Variants in ACKR2 observed in about 807,000 individuals in gnomAD.
ACKR2 encodes the protein atypical chemokine receptor 2.
For missense variants in ACKR2, 457 were observed against 477.3 expected (o/e 0.96, Z 0.40); for synonymous variants, 207 against 192.2 (o/e 1.08, Z -0.64).
chr3:42,865,375 C>A lies in ACKR2; in HGVS notation c.873C>A (p.Asp291Glu). ...ACTGTGAGGTCAGCCAGCATCTAGA[C>A]TACGCACTCCAGGTAACAGAGAGCA... The part of the protein sequence containing the change: ...FGNCEVSQHL[D>E]YALQVTESIA... Residue 291 changes from aspartate to glutamate, a missense_variant, in exon 3 of 3, where the codon GAC becomes GAA. Physicochemically the swap from Asp to Glu is conservative, Grantham distance 45 (BLOSUM62 2). Transcript: ENST00000422265. The A allele has an allele frequency of 1.9e-6, 3 of 1,614,210 alleles. No individual in the cohort carries two copies. Among genetic ancestry groups the A allele is most frequent in the South Asian group, 2.2e-5 (2 of 91,084 alleles).
chr3:42,835,885 T>C (rs1472915633), intron 2 of ACKR2: 1 of 152,270 alleles, frequency 6.6e-6, no homozygotes. Context: ...GGTCCCTCCT[T>C]CCTCCTTCTG....
intron 2 of ACKR2, among the ~76,000 whole-genome samples, chr3:42,858,683 T>C (rs988877434): frequency 2.0e-5 from 3 of 151,902 alleles, no homozygotes; most frequent in Non-Finnish European, 4.4e-5. Flanking sequence ...GTTTGATGAA[T>C]TGACAGAACT....
intron 2 of ACKR2, among the ~76,000 whole-genome samples, chr3:42,830,293 A>T (rs769049254): frequency 9.2e-5 from 14 of 152,092 alleles, no homozygotes; most frequent in East Asian, 1.9e-4. Flanking sequence ...ATTTTTTTTT[A>T]AAATAGAGAT....
At chr3:42,863,651 A>G (rs2088405087) in intron 2 of ACKR2, among the ~76,000 whole-genome samples, 1 of 152,250 alleles carries the variant, frequency 6.6e-6, no homozygotes, top group South Asian at 2.1e-4. Flanking sequence ...AAAATGTAGC[A>G]CATACACAGC....
chr3:42,866,988 C>T lies in ACKR2; in HGVS notation c.*1331C>T, dbSNP rs1254576510. 2 of 162,342 alleles carry T rather than the reference C, an allele frequency of 1.2e-5. No homozygotes were observed. The highest frequency in any genetic ancestry group is 4.8e-5 in the African/African-American group (2 of 41,376). The allele number at this position is 162,342 out of a possible 1,614,324, so 10.1% of individuals were successfully genotyped here. A position where few individuals can be genotyped will look rare whatever the true frequency, so the allele number is the denominator to read the frequency against. On this transcript the variant is annotated 3_prime_UTR_variant, in exon 3 of 3. Transcript: ENST00000422265. ...TCCTGAGCTCAAGTGATCCTCCCAT[C>T]TAAGCCCCCAAGTAGCTAGGACTAC...
chr3:42,834,221 G>A (rs1448452692), intron 2 of ACKR2, among the ~76,000 whole-genome samples: 1 of 152,140 alleles, frequency 6.6e-6, no homozygotes, highest in African/African-American at 2.4e-5. Context: ...GCCTCCCAAA[G>A]TACCGGGATT....
chr3:42,820,607 A>G (rs979092405), intron 2 of ACKR2, among the ~76,000 whole-genome samples: 8 of 151,486 alleles, frequency 5.3e-5, no homozygotes, highest in Non-Finnish European at 7.4e-5. Context: ...AAAAAAAAAA[A>G]AAAGAAATAT....
chr3:42,837,599 C>T (rs545107962), intron 2 of ACKR2, among the ~76,000 whole-genome samples: 1 of 152,270 alleles, frequency 6.6e-6, no homozygotes, highest in Admixed American at 6.5e-5. Flanking sequence ...CACCTTTTCT[C>T]TGTTTTTGTT....
chr3:42,815,837 A>G (rs967527087), intron 1 of ACKR2, among the ~76,000 whole-genome samples: 5 of 152,190 alleles, frequency 3.3e-5, no homozygotes, highest in Non-Finnish European at 7.3e-5. Context: ...TCTACCCTTT[A>G]GGAAGAACAG....
At chr3:42,854,132 A>G (rs1701193485) in intron 2 of ACKR2, among the ~76,000 whole-genome samples, 1 of 152,160 alleles carries the variant, frequency 6.6e-6, no homozygotes, top group Non-Finnish European at 1.5e-5. Flanking sequence ...CGCTGAGTCA[A>G]GCAGGGTTTG....
In ACKR2 at chr3:42,850,503, T is replaced by A. The variant is rs139481697; in HGVS notation, c.-37-13963T>A. Among the ~76,000 whole-genome samples the A allele has an allele frequency of 1.9e-3, 284 of 152,204 alleles. 2 individuals are homozygous for A. Among genetic ancestry groups the A allele is most frequent in the African/African-American group, 6.5e-3 (270 of 41,514 alleles). Reference sequence around the variant, plus strand: ...CTTTAACCACCTGACATTACTACTCTATTATTGCTCAGTCCAGGTGGAGAC... The same window carrying A: ...CTTTAACCACCTGACATTACTACTCAATTATTGCTCAGTCCAGGTGGAGAC... On this transcript the variant is annotated intron_variant, in intron 2 of 2. Transcript: ENST00000422265.
Position 42,865,402 on chromosome 3 carries a change from C to T in ACKR2, c.900C>T (p.Ile300=), listed in dbSNP as rs200987829. 2.2e-5 allele frequency: 36 copies of T among 1,614,194 alleles called. No individual in the cohort carries two copies. Among genetic ancestry groups the T allele is most frequent in the African/African-American group, 2.1e-4 (16 of 75,044 alleles). Residue 300 remains isoleucine, a synonymous_variant, in exon 3 of 3, where the codon ATC becomes ATT. Coordinates refer to ENST00000422265, the MANE Select transcript of ACKR2 (RefSeq NM_001296.5). ...ACGCACTCCAGGTAACAGAGAGCAT[C>T]GCCTTCCTTCACTGCTGCTTTTCCC... is the stretch of plus-strand genomic sequence containing the variant. ...LDYALQVTES[I]AFLHCCFSPI... is the part of the protein sequence containing the mutation.
At chr3:42,834,203 C>T (rs1418618061) in intron 2 of ACKR2, among the ~76,000 whole-genome samples, 1 of 152,188 alleles carries the variant, frequency 6.6e-6, no homozygotes, top group Non-Finnish European at 1.5e-5. Context: ...GGTGATCCAC[C>T]TGCCTCGGCC....
intron 2 of ACKR2, among the ~76,000 whole-genome samples, chr3:42,829,143 A>T (rs1700903301): frequency 6.6e-6 from 1 of 152,176 alleles, no homozygotes; most frequent in Admixed American, 6.5e-5. Flanking sequence ...AATGAGGGTG[A>T]GTAAAAGGCC....
chr3:42,812,680 C>CTTTTT (rs71616070), intron 1 of ACKR2, among the ~76,000 whole-genome samples: 28,676 of 72,728 alleles, frequency 0.39, 7,859 homozygotes, highest in East Asian at 0.63. Context: ...AATTTTCAGC[C>CTTTTT]TTTTTTTTTT....
At chr3:42,817,475 A>C (rs1289424470) in intron 1 of ACKR2, among the ~76,000 whole-genome samples, 1 of 151,902 alleles carries the variant, frequency 6.6e-6, no homozygotes, top group African/African-American at 2.4e-5. Context: ...CCCTCCTCCC[A>C]CTGAACACCC....
At chr3:42,820,883 G>GTTTT (rs34265324) in intron 2 of ACKR2, among the ~76,000 whole-genome samples, 1 of 143,754 alleles carries the variant, frequency 7.0e-6, no homozygotes, top group Non-Finnish European at 1.5e-5. Flanking sequence ...TTCATCAATA[G>GTTTT]TTTTTTTTTT....
At chr3:42,825,073 G>A (rs992669603) in intron 2 of ACKR2, among the ~76,000 whole-genome samples, 1 of 152,102 alleles carries the variant, frequency 6.6e-6, no homozygotes, top group African/African-American at 2.4e-5. Context: ...TGATCTATAT[G>A]ACTATTCTGA....
intron 2 of ACKR2, among the ~76,000 whole-genome samples, chr3:42,827,092 G>A (rs1368852367): frequency 6.6e-6 from 1 of 152,108 alleles, no homozygotes; most frequent in Non-Finnish European, 1.5e-5. Flanking sequence ...TATTATATAT[G>A]GTTTCAGTTC....
Sources: gnomAD v4.1 joint callset for allele counts (sites outside exome capture counted in the v4.1 genomes callset) on GRCh38, gnomAD v4.1.1 for gene constraint, MANE v1.5 for transcripts, NCBI Gene and HGNC (gene_info 2026-07-23, HGNC 2026-07-21) for gene names.